The following EPHA3 variants were observed in gnomAD, a reference collection of about 807,000 sequenced individuals.
EPHA3 encodes the protein ephrin type-A receptor 3.
A neutral mutation model predicts 107.1 loss-of-function variants in EPHA3; 42 were observed. That is an observed-to-expected ratio of 0.39 (90% CI 0.31 to 0.51). The LOEUF (loss-of-function observed/expected upper bound fraction) is 0.51. EPHA3 is among the 20% of genes least tolerant of loss of function. The pLI is 0.78. For synonymous variants in EPHA3, 461 were observed against 424.8 expected, an observed-to-expected ratio of 1.09 and a Z score of -1.05; for missense variants, 1,183 against 1,211.2, an observed-to-expected ratio of 0.98 and a Z score of 0.35.
chr3:89,130,720 C>T (rs1160015764), intron 2 of EPHA3, among the ~76,000 whole-genome samples: 18 of 151,754 alleles, frequency 1.2e-4, no homozygotes, highest in Admixed American at 1.1e-3. Context: ...CTGCAAGCTC[C>T]GCCTCCCGGG....
intron 13 of EPHA3, among the ~76,000 whole-genome samples, chr3:89,440,170 G>T (rs1418327623): frequency 6.6e-6 from 1 of 152,082 alleles, no homozygotes; most frequent in Non-Finnish European, 1.5e-5. Flanking sequence ...CTTGTTGTCT[G>T]CAGTGAATGA....
At chr3:89,393,460 T>A (rs553200313) in intron 5 of EPHA3, among the ~76,000 whole-genome samples, 1 of 152,344 alleles carries the variant, frequency 6.6e-6, no homozygotes, top group African/African-American at 2.4e-5. Flanking sequence ...TTTTCTTTTT[T>A]TAAAGGAGAG....
At chr3:89,219,395 T>G (rs1209227322) in intron 3 of EPHA3, among the ~76,000 whole-genome samples, 5 of 152,130 alleles carry the variant, frequency 3.3e-5, no homozygotes, top group Non-Finnish European at 5.9e-5. Context: ...ACTCTCCACC[T>G]CAGGTGATCT....
At chr3:89,436,178 A>T (rs1709666821) in intron 13 of EPHA3, among the ~76,000 whole-genome samples, 1 of 152,042 alleles carries the variant, frequency 6.6e-6, no homozygotes, top group Admixed American at 6.6e-5. Flanking sequence ...AAGAAAAAAT[A>T]CTATTACATT....
chr3:89,232,647 C>A (rs1359716171), intron 3 of EPHA3, among the ~76,000 whole-genome samples: 1 of 152,044 alleles, frequency 6.6e-6, no homozygotes, highest in Non-Finnish European at 1.5e-5. Context: ...GGCAAAAATG[C>A]CACTTCTTAA....
At chr3:89,351,358 C>A (rs1264986446) in intron 5 of EPHA3, among the ~76,000 whole-genome samples, 100 of 151,202 alleles carry the variant, frequency 6.6e-4, no homozygotes, top group Non-Finnish European at 3.0e-4. Flanking sequence ...GCGCAATATT[C>A]GGGTGGGAGT....
chr3:89,431,355 C>G lies in EPHA3; in HGVS notation c.2342C>G (p.Thr781Arg). Reference sequence around the variant, plus strand: ...GATGACCCAGAAGCTGCTTATACAACAAGAGTGAGTAACTTAGATTTTCTC... The same window carrying G: ...GATGACCCAGAAGCTGCTTATACAAGAAGAGTGAGTAACTTAGATTTTCTC... Reference protein sequence around the residue: ...LEDDPEAAYTTRGGKIPIRWT... With the variant: ...LEDDPEAAYTRRGGKIPIRWT... Residue 781 changes from threonine to arginine, a missense_variant, in exon 13 of 17, where the codon ACA becomes AGA. Transcript: ENST00000336596. 1.9e-6 allele frequency: 3 copies of G among 1,612,452 alleles called. No individual in the cohort carries two copies. Among genetic ancestry groups the G allele is most frequent in the Non-Finnish European group, 2.5e-6 (3 of 1,179,136 alleles).
At chr3:89,444,208 T>C (rs2107548652) in intron 13 of EPHA3, among the ~76,000 whole-genome samples, 1 of 152,310 alleles carries the variant, frequency 6.6e-6, no homozygotes, top group Non-Finnish European at 1.5e-5. Context: ...TTTACTATTT[T>C]TATTTGTTGC....
intron 15 of EPHA3, among the ~76,000 whole-genome samples, chr3:89,467,502 T>C (rs6795074): frequency 0.19 from 29,046 of 152,138 alleles, 3,370 homozygotes; most frequent in Non-Finnish European, 0.25. Context: ...AAAAGGAGTC[T>C]ATTAAGTGAG....
chr3:89,158,019 T>A (rs1350777184), intron 2 of EPHA3, among the ~76,000 whole-genome samples: 1 of 152,066 alleles, frequency 6.6e-6, no homozygotes, highest in African/African-American at 2.4e-5. Flanking sequence ...GAGCCTACCA[T>A]TGCTTGTTTG....
chr3:89,165,529 T>C (rs1445377999), intron 2 of EPHA3, among the ~76,000 whole-genome samples: 1 of 152,242 alleles, frequency 6.6e-6, no homozygotes, highest in African/African-American at 2.4e-5. Context: ...TTCTGTGCTC[T>C]TCTGTGCCTT....
intron 5 of EPHA3, among the ~76,000 whole-genome samples, chr3:89,380,660 G>A (rs900300965): frequency 1.1e-4 from 17 of 151,962 alleles, no homozygotes; most frequent in African/African-American, 3.9e-4. Context: ...AATTAATAAT[G>A]TAAGCTGACT....
intron 15 of EPHA3, among the ~76,000 whole-genome samples, chr3:89,470,501 T>C (rs73139105): frequency 0.22 from 34,198 of 152,110 alleles, 4,146 homozygotes; most frequent in Non-Finnish European, 0.25. Context: ...TGTGTGAAAT[T>C]GATATCCTCA....
intron 3 of EPHA3, among the ~76,000 whole-genome samples, chr3:89,249,606 G>T (rs1165953526): frequency 6.6e-6 from 1 of 151,976 alleles, no homozygotes; most frequent in South Asian, 2.1e-4. Flanking sequence ...GACTACAGTC[G>T]TATGCCACCA....
At chr3:89,477,368 A>G (rs1710537142) in intron 16 of EPHA3, among the ~76,000 whole-genome samples, 1 of 152,140 alleles carries the variant, frequency 6.6e-6, no homozygotes, top group Admixed American at 6.5e-5. Context: ...CAGGGAGGGA[A>G]CCTGAAGGTC....
chr3:89,294,912 ATTC>A (rs1706309101), intron 3 of EPHA3, among the ~76,000 whole-genome samples: 1 of 152,002 alleles, frequency 6.6e-6, no homozygotes, highest in Non-Finnish European at 1.5e-5. Flanking sequence ...ATATTTTTGT[ATTC>A]TTATTAATAT....
chr3:89,429,050 C>A, intron 11 of EPHA3, 56 bp from the exon 12 acceptor site: 2 of 1,198,342 alleles, frequency 1.7e-6, no homozygotes, highest in South Asian at 2.8e-5. Context: ...TATATATGTT[C>A]ATTGTATAAT....
At chr3:89,399,250 A>G in intron 6 of EPHA3, 68 bp from the exon 7 acceptor site, 1 of 1,421,900 alleles carries the variant, frequency 7.0e-7, no homozygotes, top group Non-Finnish European at 9.6e-7. Flanking sequence ...TGAGTGGTTC[A>G]CTGTTTATCA....
chr3:89,379,302 A>C (rs1436736382), intron 5 of EPHA3, among the ~76,000 whole-genome samples: 1 of 152,208 alleles, frequency 6.6e-6, no homozygotes, highest in Non-Finnish European at 1.5e-5. Context: ...TTTACAGCCA[A>C]AATAGAAATT....
Sources: gnomAD v4.1 joint callset for allele counts (sites outside exome capture counted in the v4.1 genomes callset) on GRCh38, gnomAD v4.1.1 for gene constraint, MANE v1.5 for transcripts, NCBI Gene and HGNC (gene_info 2026-07-23, HGNC 2026-07-21) for gene names.